SLC13A3: variants seen among roughly 807,000 people sequenced by gnomAD.
SLC13A3 encodes the protein Na(+)/dicarboxylate cotransporter 3.
Under a neutral mutation model 59.0 loss-of-function variants are expected in SLC13A3, and 40 were observed. The ratio of observed to expected loss-of-function variants is 0.68; its 90% CI spans 0.53 to 0.88. The LOEUF is 0.88. SLC13A3 is among the 40% of genes least tolerant of loss of function. SLC13A3 has a pLI of 0.00. For missense variants in SLC13A3, 699 were observed against 783.2 expected (o/e 0.89, Z 1.28); for synonymous variants, 317 against 330.3 (o/e 0.96, Z 0.44).
chr20:46,596,805 C>G (rs1268871497), intron 4 of SLC13A3, among the ~76,000 whole-genome samples: 1 of 152,118 alleles, frequency 6.6e-6, no homozygotes, highest in Non-Finnish European at 1.5e-5. Flanking sequence ...AACTCCAACA[C>G]TTTGGGAGAC....
intron 9 of SLC13A3, among the ~76,000 whole-genome samples, chr20:46,575,984 A>C (rs1321842800): frequency 6.6e-6 from 1 of 152,156 alleles, no homozygotes. Context: ...TGCTATTTTT[A>C]CCCTCATTTA....
chr20:46,612,529 A>G (rs1327466461), intron 2 of SLC13A3, among the ~76,000 whole-genome samples: 1 of 152,076 alleles, frequency 6.6e-6, no homozygotes, highest in Non-Finnish European at 1.5e-5. Flanking sequence ...GGGTGTGATT[A>G]GGCCTATCAC....
chr20:46,602,230 C>T (rs1049891935), intron 3 of SLC13A3, among the ~76,000 whole-genome samples: 7 of 151,992 alleles, frequency 4.6e-5, no homozygotes, highest in African/African-American at 1.7e-4. Context: ...CCAACCACTC[C>T]AGAGGCTGAG....
At chr20:46,633,674 C>G (rs1314147065) in intron 1 of SLC13A3, among the ~76,000 whole-genome samples, 2 of 152,216 alleles carry the variant, frequency 1.3e-5, no homozygotes, top group African/African-American at 2.4e-5. Flanking sequence ...TTGGCAATTC[C>G]CTTGTTAAAC....
intron 8 of SLC13A3, among the ~76,000 whole-genome samples, chr20:46,586,962 C>A (rs1208182541): frequency 6.6e-6 from 1 of 152,214 alleles, no homozygotes; most frequent in Non-Finnish European, 1.5e-5. Flanking sequence ...ACTTTATTTG[C>A]AGACACTGAA....
chr20:46,575,840 G>A (rs1007575571), intron 9 of SLC13A3, among the ~76,000 whole-genome samples, 155 bp from the exon 10 acceptor site: 3 of 152,180 alleles, frequency 2.0e-5, no homozygotes, highest in Non-Finnish European at 2.9e-5. Context: ...GGGAGAGAGT[G>A]CACAGGCATC....
chr20:46,659,714 C>CCG (rs1555884137), intron 1 of SLC13A3, among the ~76,000 whole-genome samples: 4 of 139,850 alleles, frequency 2.9e-5, no homozygotes, highest in African/African-American at 1.1e-4. Flanking sequence ...AGACCCTATC[C>CCG]CCCCCCCCCA....
chr20:46,653,699 G>C (rs1303589756), upstream of SLC13A3, among the ~76,000 whole-genome samples: 1 of 152,046 alleles, frequency 6.6e-6, no homozygotes, highest in Non-Finnish European at 1.5e-5. Context: ...TCATACAAGC[G>C]GTATCATGGA....
Position 46,560,148 on chromosome 20 carries a change from C to A in SLC13A3, c.1683G>T (p.Leu561Phe). 6.2e-7 allele frequency: 1 copy of A among 1,614,134 alleles called. No individual in the cohort carries two copies. Reference protein sequence around the residue: ...MNLMGVLLLSLAMNTWAQTIF... With the variant: ...MNLMGVLLLSFAMNTWAQTIF... Reference sequence around the variant, plus strand: ...TGGTCTGTGCCCAGGTATTCATAGCCAAACTGAGCAGCAGGACACCCATCA... The same window carrying A: ...TGGTCTGTGCCCAGGTATTCATAGCAAAACTGAGCAGCAGGACACCCATCA... Residue 561 changes from leucine (L) to phenylalanine (F), a missense_variant, in exon 13 of 13, where the codon TTG (leucine) becomes TTT (phenylalanine). Leu to Phe is a conservative substitution (Grantham distance 22). Transcript: ENST00000279027.
At chr20:46,620,672 A>C (rs1185004880) in intron 1 of SLC13A3, among the ~76,000 whole-genome samples, 1 of 152,220 alleles carries the variant, frequency 6.6e-6, no homozygotes, top group Non-Finnish European at 1.5e-5. Context: ...ATGGATCTGC[A>C]AGGAAAAAAA....
chr20:46,632,908 GATAT>G (rs2062756281), intron 1 of SLC13A3, among the ~76,000 whole-genome samples: 2 of 35,148 alleles, frequency 5.7e-5, no homozygotes, highest in East Asian at 1.5e-3. Context: ...TAGATAGATA[GATAT>G]ATCTATCTAT....
chr20:46,612,193 G>A (rs565943816), intron 2 of SLC13A3, among the ~76,000 whole-genome samples: 129 of 136,922 alleles, frequency 9.4e-4, no homozygotes, highest in Middle Eastern at 4.0e-3. Context: ...AGTGAGTGGC[G>A]TGATCTTGGC....
At chr20:46,624,012 T>G (rs1333248872) in intron 1 of SLC13A3, among the ~76,000 whole-genome samples, 2 of 152,214 alleles carry the variant, frequency 1.3e-5, no homozygotes, top group African/African-American at 4.8e-5. Context: ...TTCTCTAGCA[T>G]GCCTGAAAAT....
intron 10 of SLC13A3, among the ~76,000 whole-genome samples, chr20:46,575,117 G>A (rs2062062248): frequency 6.6e-6 from 1 of 151,976 alleles, no homozygotes; most frequent in Non-Finnish European, 1.5e-5. Context: ...CTCCAACCTG[G>A]GTGACAGAGT....
chr20:46,605,605 G>A (rs1163698246), intron 3 of SLC13A3, among the ~76,000 whole-genome samples: 1 of 152,164 alleles, frequency 6.6e-6, no homozygotes, highest in African/African-American at 2.4e-5. Context: ...CACAACTGGG[G>A]AAACTGAGGC....
intron 3 of SLC13A3, among the ~76,000 whole-genome samples, chr20:46,607,701 T>C (rs1374784690): frequency 6.6e-6 from 1 of 152,174 alleles, no homozygotes; most frequent in African/African-American, 2.4e-5. Context: ...TGGCTTTCAA[T>C]CATTTGCTTG....
At chr20:46,580,092 G>T (rs1416590692) in intron 9 of SLC13A3, among the ~76,000 whole-genome samples, 2 of 152,010 alleles carry the variant, frequency 1.3e-5, no homozygotes, top group African/African-American at 4.8e-5. Flanking sequence ...AGTAGCTGGG[G>T]TTACAGGTAT....
intron 9 of SLC13A3, among the ~76,000 whole-genome samples, chr20:46,581,601 C>G (rs2062138671): frequency 6.6e-6 from 1 of 152,096 alleles, no homozygotes. Context: ...AGGCTCAAGG[C>G]ATCAGATGGG....
At chr20:46,651,222 G>A in intron 1 of SLC13A3, 89 bp downstream of exon 1, 1 of 1,391,812 alleles carries the variant, frequency 7.2e-7, no homozygotes, top group Non-Finnish European at 9.3e-7. Flanking sequence ...GTCTACACTG[G>A]GACCTCAGCG....
Sources: gnomAD v4.1 joint callset for allele counts (sites outside exome capture counted in the v4.1 genomes callset) on GRCh38, gnomAD v4.1.1 for gene constraint, MANE v1.5 for transcripts, NCBI Gene and HGNC (gene_info 2026-07-23, HGNC 2026-07-21) for gene names.